Variants in EDIL3 observed in about 807,000 individuals in gnomAD.
The protein encoded by EDIL3 is EGF like and discoidin domains 3.
EDIL3 carries 37 observed loss-of-function variants against 67.4 expected under a neutral mutation model. The observed-to-expected ratio is 0.55, with a 90% CI of 0.42 to 0.72. The LOEUF (loss-of-function observed/expected upper bound fraction) is 0.72. Among genes scored for constraint, EDIL3 ranks in the 30% least tolerant of loss-of-function variants. The pLI, the probability that EDIL3 is intolerant of heterozygous loss-of-function variation, is 0.00. For missense variants in EDIL3, 527 were observed against 586.3 expected, an observed-to-expected ratio of 0.90 and a Z score of 1.04; for synonymous variants, 195 against 196.3, an observed-to-expected ratio of 0.99 and a Z score of 0.05.
At chr5:84,037,985 C>CTTTTTTTT (rs1580292622) in intron 9 of EDIL3, among the ~76,000 whole-genome samples, 1 of 99,646 alleles carries the variant, frequency 1.0e-5, no homozygotes, top group African/African-American at 5.3e-5. Flanking sequence ...TTCTTTCTTT[C>CTTTTTTTT]TTGTTTTTTT....
intron 10 of EDIL3, among the ~76,000 whole-genome samples, chr5:83,948,863 A>G (rs1744359431): frequency 6.6e-6 from 1 of 151,778 alleles, no homozygotes; most frequent in Admixed American, 6.6e-5. Context: ...TTGAATGGCT[A>G]GTATATTATT....
chr5:84,132,463 T>A (rs1196423367), intron 5 of EDIL3, among the ~76,000 whole-genome samples: 2 of 112,962 alleles, frequency 1.8e-5, no homozygotes, highest in African/African-American at 7.4e-5. Flanking sequence ...ATTATGTATT[T>A]TATATATAAT....
At chr5:84,057,248 A>G (rs563058011) in intron 9 of EDIL3, among the ~76,000 whole-genome samples, 1 of 152,290 alleles carries the variant, frequency 6.6e-6, no homozygotes, top group East Asian at 1.9e-4. Context: ...CATCTTGAAC[A>G]AAGTGATAGA....
chr5:84,341,169 G>C (rs899104500), intron 1 of EDIL3, among the ~76,000 whole-genome samples: 3 of 151,914 alleles, frequency 2.0e-5, no homozygotes, highest in Non-Finnish European at 4.4e-5. Flanking sequence ...CACAACTTTT[G>C]CATAAATAGG....
At chr5:84,057,427 A>G (rs1346573) in intron 9 of EDIL3, among the ~76,000 whole-genome samples, 100,502 of 151,968 alleles carry the variant, frequency 0.66, 34,512 homozygotes, top group East Asian at 0.96. Context: ...TATTCCACAC[A>G]GCATTATGAC....
chr5:84,363,477 ATAAGT>A (rs1747657884), intron 1 of EDIL3, among the ~76,000 whole-genome samples: 1 of 152,086 alleles, frequency 6.6e-6, no homozygotes, highest in African/African-American at 2.4e-5. Flanking sequence ...TAATTCAAAA[ATAAGT>A]TATAGTCCAT....
intron 6 of EDIL3, among the ~76,000 whole-genome samples, chr5:84,081,692 G>A (rs1437695035): frequency 1.3e-5 from 2 of 152,116 alleles, no homozygotes; most frequent in Non-Finnish European, 2.9e-5. Context: ...CTCTTTAGTT[G>A]TTGTGAAATG....
chr5:84,015,056 A>G (rs1243103291), intron 9 of EDIL3, among the ~76,000 whole-genome samples: 1 of 152,182 alleles, frequency 6.6e-6, no homozygotes, highest in Non-Finnish European at 1.5e-5. Context: ...TTCTATGATG[A>G]ATAAACCCAC....
intron 9 of EDIL3, among the ~76,000 whole-genome samples, chr5:83,980,867 A>G (rs1202366353): frequency 3.3e-5 from 5 of 151,734 alleles, no homozygotes; most frequent in Non-Finnish European, 7.4e-5. Flanking sequence ...TCTAAAAATG[A>G]AATTAAGAAA....
At chr5:83,953,779 C>G (rs894943211) in intron 10 of EDIL3, among the ~76,000 whole-genome samples, 1 of 151,638 alleles carries the variant, frequency 6.6e-6, no homozygotes, top group African/African-American at 2.4e-5. Flanking sequence ...TCAAATTATG[C>G]CAGAAGTTTT....
chr5:84,095,122 A>G (rs1354849450), intron 6 of EDIL3, among the ~76,000 whole-genome samples: 1 of 152,094 alleles, frequency 6.6e-6, no homozygotes, highest in East Asian at 1.9e-4. Context: ...TTTTACTGTA[A>G]CTCAGGGCAG....
At chr5:84,074,433 T>G (rs1395220167) in intron 6 of EDIL3, among the ~76,000 whole-genome samples, 1 of 151,966 alleles carries the variant, frequency 6.6e-6, no homozygotes, top group African/African-American at 2.4e-5. Flanking sequence ...GGGAGAAAAT[T>G]TTCTCAACCT....
intron 1 of EDIL3, among the ~76,000 whole-genome samples, chr5:84,310,376 G>C (rs192668925): frequency 6.6e-6 from 1 of 152,044 alleles, no homozygotes; most frequent in Non-Finnish European, 1.5e-5. Flanking sequence ...GTTAAGTTTC[G>C]AGCCCTGCTG....
At chr5:84,182,152 C>T (rs755929101) in intron 3 of EDIL3, among the ~76,000 whole-genome samples, 1 of 151,930 alleles carries the variant, frequency 6.6e-6, no homozygotes, top group African/African-American at 2.4e-5. Flanking sequence ...AAGAGCTGAA[C>T]GAGGTGGTGC....
intron 9 of EDIL3, among the ~76,000 whole-genome samples, chr5:83,995,329 G>A (rs766456173): frequency 1.3e-5 from 2 of 152,064 alleles, no homozygotes; most frequent in Non-Finnish European, 2.9e-5. Flanking sequence ...ACACATTTTG[G>A]AGGAGAAGGC....
At chr5:84,304,803 C>A (rs1311576964) in intron 1 of EDIL3, among the ~76,000 whole-genome samples, 1 of 152,076 alleles carries the variant, frequency 6.6e-6, no homozygotes, top group Non-Finnish European at 1.5e-5. Context: ...GGATGCAAGC[C>A]AGGAAATCTT....
intron 6 of EDIL3, among the ~76,000 whole-genome samples, chr5:84,072,377 T>C (rs928036257): frequency 1.3e-5 from 2 of 152,100 alleles, no homozygotes; most frequent in African/African-American, 4.8e-5. Context: ...ATCATATTCA[T>C]AAAAAAGTAA....
At chr5:84,035,627 T>C (rs1229955910) in intron 9 of EDIL3, among the ~76,000 whole-genome samples, 1 of 152,208 alleles carries the variant, frequency 6.6e-6, no homozygotes, top group Non-Finnish European at 1.5e-5. Flanking sequence ...CCTATCAAAT[T>C]GTAAGAAACT....
At chr5:84,054,883 C>T (rs1221108723) in intron 9 of EDIL3, among the ~76,000 whole-genome samples, 4 of 134,718 alleles carry the variant, frequency 3.0e-5, no homozygotes, top group Admixed American at 7.1e-5. Flanking sequence ...GGCCATACTG[C>T]CCAAGGTAAT....
Sources: allele counts gnomAD v4.1 joint callset (sites outside exome capture counted in the v4.1 genomes callset), GRCh38; gene constraint gnomAD v4.1.1; transcripts MANE v1.5; gene names NCBI Gene and HGNC (gene_info 2026-07-23, HGNC 2026-07-21).